PTPRD: variants seen among roughly 807,000 people sequenced by gnomAD.
The protein encoded by PTPRD is receptor-type tyrosine-protein phosphatase delta.
A neutral mutation model predicts 214.5 loss-of-function variants in PTPRD; 34 were observed. The ratio of observed to expected loss-of-function variants is 0.16; its 90% CI spans 0.12 to 0.21. The LOEUF (loss-of-function observed/expected upper bound fraction) is 0.21, where lower values mean the gene tolerates loss of function less well. Among genes scored for constraint, PTPRD ranks in the 10% least tolerant of loss-of-function variants. The pLI, the probability that PTPRD is intolerant of heterozygous loss-of-function variation, is 1.00. For synonymous variants in PTPRD, 1,128 were observed against 845.7 expected (o/e 1.33, Z -5.79); for missense variants, 2,545 against 2,398.7 (o/e 1.06, Z -1.27).
intron 2 of PTPRD, among the ~76,000 whole-genome samples, chr9:10,370,244 A>T (rs2097583976): frequency 6.6e-6 from 1 of 152,098 alleles, no homozygotes. Context: ...TTTTCTTCTC[A>T]TTAAAAATGT....
chr9:9,630,252 T>A (rs944194780), intron 7 of PTPRD, among the ~76,000 whole-genome samples: 1 of 152,216 alleles, frequency 6.6e-6, no homozygotes, highest in Non-Finnish European at 1.5e-5. Context: ...CATTTTCATT[T>A]AGGTCATAGA....
chr9:8,494,039 C>CACACACACACACACACAG (rs1554636978), intron 26 of PTPRD, among the ~76,000 whole-genome samples: 1 of 150,382 alleles, frequency 6.6e-6, no homozygotes, highest in Non-Finnish European at 1.5e-5. Flanking sequence ...CACACACACA[C>CACACACACACACACACAG]AGCAATATAA....
chr9:9,930,653 G>T (rs191298555), intron 5 of PTPRD, among the ~76,000 whole-genome samples: 3 of 152,146 alleles, frequency 2.0e-5, no homozygotes, highest in Admixed American at 2.0e-4. Flanking sequence ...AGTATATGAT[G>T]AAAGATAGCA....
intron 35 of PTPRD, among the ~76,000 whole-genome samples, chr9:8,424,323 T>C (rs895177298): frequency 5.9e-5 from 9 of 152,038 alleles, no homozygotes; most frequent in African/African-American, 1.4e-4. Context: ...GGTCAGAACA[T>C]TACCCAGACC....
intron 11 of PTPRD, among the ~76,000 whole-genome samples, chr9:8,985,349 A>C (rs2099335984): frequency 6.6e-6 from 1 of 152,052 alleles, no homozygotes; most frequent in Non-Finnish European, 1.5e-5. Context: ...TGAAGCTACA[A>C]CTTATTTAAA....
At chr9:8,685,667 A>C (rs771872290) in intron 12 of PTPRD, among the ~76,000 whole-genome samples, 3 of 152,176 alleles carry the variant, frequency 2.0e-5, no homozygotes, top group Non-Finnish European at 2.9e-5. Context: ...TACCAAACTA[A>C]CACCATAGAG....
At chr9:9,683,041 A>G (rs1468231411) in intron 7 of PTPRD, among the ~76,000 whole-genome samples, 1 of 151,828 alleles carries the variant, frequency 6.6e-6, no homozygotes, top group African/African-American at 2.4e-5. Flanking sequence ...ATAAAATCAC[A>G]GATATTTTGA....
At chr9:10,017,633 A>G (rs2096749107) in intron 4 of PTPRD, among the ~76,000 whole-genome samples, 1 of 152,114 alleles carries the variant, frequency 6.6e-6, no homozygotes, top group African/African-American at 2.4e-5. Context: ...TAATTTTTCC[A>G]TATGAAAAAT....
chr9:10,431,497 C>T (rs1423777207), intron 2 of PTPRD, among the ~76,000 whole-genome samples: 2 of 151,922 alleles, frequency 1.3e-5, no homozygotes, highest in African/African-American at 2.4e-5. Context: ...AGTGAACAGG[C>T]AACCTACAAA....
At chr9:9,487,768 A>G (rs1366276878) in intron 8 of PTPRD, among the ~76,000 whole-genome samples, 1 of 152,158 alleles carries the variant, frequency 6.6e-6, no homozygotes, top group African/African-American at 2.4e-5. Context: ...TACAATATAT[A>G]CACTTAGATT....
chr9:9,890,111 G>T lies in PTPRD; in HGVS notation c.-368+48396C>A, dbSNP rs552319489. 7.2e-5 allele frequency among the ~76,000 whole-genome samples: 11 copies of T among 152,104 alleles called. No homozygotes were observed. The South Asian group carries it at 2.3e-3, about 32-fold the overall frequency. The stretch of plus-strand genomic sequence containing the variant: ...GTGCTCTATGTTAGCCTTAAAAGTA[G>T]TAATGATTCCCTTTATATGACATTT... On this transcript the variant is annotated intron_variant, in intron 5 of 45. Transcript: ENST00000381196.
intron 10 of PTPRD, among the ~76,000 whole-genome samples, chr9:9,020,057 G>A (rs746295134): frequency 1.3e-5 from 2 of 152,096 alleles, no homozygotes; most frequent in African/African-American, 2.4e-5. Context: ...GAGAAGAGAA[G>A]AGGGAGGTAT....
chr9:8,623,151 T>TA (rs961760809), intron 14 of PTPRD, among the ~76,000 whole-genome samples: 17 of 151,648 alleles, frequency 1.1e-4, no homozygotes, highest in African/African-American at 4.1e-4. Context: ...ACCCTGTCTC[T>TA]AAAAAAACAA....
chr9:8,844,634 T>C (rs1477951277), intron 11 of PTPRD, among the ~76,000 whole-genome samples: 1 of 152,218 alleles, frequency 6.6e-6, no homozygotes, highest in African/African-American at 2.4e-5. Flanking sequence ...TAATGAAGCA[T>C]ATGATTTAAT....
At chr9:8,421,350 T>C (rs963931324) in intron 35 of PTPRD, among the ~76,000 whole-genome samples, 1 of 146,952 alleles carries the variant, frequency 6.8e-6, no homozygotes, top group African/African-American at 2.6e-5. Flanking sequence ...CTTTTCTTTC[T>C]TCTTCTCTCT....
intron 9 of PTPRD, among the ~76,000 whole-genome samples, chr9:9,385,505 T>A (rs1586731303): frequency 6.6e-6 from 1 of 152,172 alleles, no homozygotes; most frequent in Non-Finnish European, 1.5e-5. Flanking sequence ...AATCCTTTCA[T>A]ATATATTTTC....
chr9:9,862,957 CT>C (rs35377198), intron 5 of PTPRD, among the ~76,000 whole-genome samples: 24,299 of 152,044 alleles, frequency 0.16, 2,007 homozygotes, highest in African/African-American at 0.21. Flanking sequence ...AGTTTGTAAA[CT>C]TTTTCAACCA....
chr9:9,924,195 C>G (rs1165679810), intron 5 of PTPRD, among the ~76,000 whole-genome samples: 1 of 151,882 alleles, frequency 6.6e-6, no homozygotes, highest in Non-Finnish European at 1.5e-5. Context: ...TGCACCTGTC[C>G]TAATTCCTAT....
chr9:9,837,687 A>G (rs764784254), intron 5 of PTPRD, among the ~76,000 whole-genome samples: 3 of 152,082 alleles, frequency 2.0e-5, no homozygotes, highest in Non-Finnish European at 4.4e-5. Context: ...GGCTGTAATA[A>G]CAGTGGTAGC....
Sources: gnomAD v4.1 joint callset for allele counts (sites outside exome capture counted in the v4.1 genomes callset) on GRCh38, gnomAD v4.1.1 for gene constraint, MANE v1.5 for transcripts, NCBI Gene and HGNC (gene_info 2026-07-23, HGNC 2026-07-21) for gene names.